The following TRAPPC9 variants were observed in gnomAD, a reference collection of about 807,000 sequenced individuals.
TRAPPC9 encodes IKK2 binding protein.
Under a neutral mutation model 124.0 loss-of-function variants are expected in TRAPPC9, and 83 were observed. The observed-to-expected ratio is 0.67, with a 90% CI of 0.56 to 0.80. The LOEUF (loss-of-function observed/expected upper bound fraction) is 0.80, where lower values mean the gene tolerates loss of function less well. Ranked by LOEUF, TRAPPC9 falls within the 30% of genes least tolerant of loss-of-function variation. The pLI is 0.00. For missense variants in TRAPPC9, 1,302 were observed against 1,508.3 expected, an observed-to-expected ratio of 0.86 and a Z score of 2.27; for synonymous variants, 638 against 617.5, an observed-to-expected ratio of 1.03 and a Z score of -0.49.
At chr8:140,133,704 A>C (rs1052659879) in intron 17 of TRAPPC9, among the ~76,000 whole-genome samples, 1 of 152,382 alleles carries the variant, frequency 6.6e-6, no homozygotes. Context: ...AAATTCAGGT[A>C]AGTTGCAAGA....
At chr8:140,085,016 T>A (rs1844092758) in intron 17 of TRAPPC9, among the ~76,000 whole-genome samples, 1 of 152,184 alleles carries the variant, frequency 6.6e-6, no homozygotes, top group African/African-American at 2.4e-5. Context: ...CTCTGAAAGC[T>A]TTACATCTGT....
chr8:140,423,464 C>A (rs10783165), intron 5 of TRAPPC9, among the ~76,000 whole-genome samples: 39,420 of 151,562 alleles, frequency 0.26, 5,960 homozygotes, highest in East Asian at 0.42. Context: ...ATAAATAAAT[C>A]AAACAAACAC....
intron 21 of TRAPPC9, among the ~76,000 whole-genome samples, chr8:139,871,472 G>A (rs115024428): frequency 0.016 from 2,379 of 152,210 alleles, 46 homozygotes; most frequent in African/African-American, 0.048. Context: ...CCCCAGCCCC[G>A]CGAGCCAGAA....
intron 18 of TRAPPC9, among the ~76,000 whole-genome samples, chr8:139,994,959 G>A (rs1433878104): frequency 7.1e-6 from 1 of 141,240 alleles, no homozygotes; most frequent in Admixed American, 7.4e-5. Context: ...TTAAGCAGAT[G>A]AGTGACATGA....
chr8:140,048,666 C>T, intron 17 of TRAPPC9, among the ~76,000 whole-genome samples: 1 of 152,168 alleles, frequency 6.6e-6, no homozygotes, highest in East Asian at 1.9e-4. Context: ...AGTCTCAATG[C>T]TCTTCCCAGA....
Position 139,790,652 on chromosome 8 carries a change from C to T in TRAPPC9, c.3056-58450G>A, listed in dbSNP as rs538958739. On this transcript the variant is annotated intron_variant, in intron 21 of 22. Transcript: ENST00000438773. Reference sequence around the variant, plus strand: ...TTCAGTGGGTAGAGAGCATGGACGCCGCTGCACGTCTGACAATGCACAGGA... The same window carrying T: ...TTCAGTGGGTAGAGAGCATGGACGCTGCTGCACGTCTGACAATGCACAGGA... 6.6e-5 allele frequency among the ~76,000 whole-genome samples: 10 copies of T among 152,248 alleles called. No homozygotes were observed. The East Asian group carries it at 1.5e-3, about 24-fold the overall frequency.
intron 7 of TRAPPC9, among the ~76,000 whole-genome samples, chr8:140,389,811 T>G (rs2068871055): frequency 6.6e-6 from 1 of 151,302 alleles, no homozygotes; most frequent in African/African-American, 2.4e-5. Flanking sequence ...AAAATCAATT[T>G]TTTAAACACA....
chr8:140,184,458 C>A (rs1036860658), intron 17 of TRAPPC9, among the ~76,000 whole-genome samples: 3 of 151,974 alleles, frequency 2.0e-5, no homozygotes, highest in Non-Finnish European at 2.9e-5. Flanking sequence ...CTTTTTGAGA[C>A]AGAATCTCAC....
Position 139,984,740 on chromosome 8 carries a change from G to A in TRAPPC9, c.2810+3986C>T, listed in dbSNP as rs899212120. On this transcript the variant is annotated intron_variant, in intron 19 of 22. Coordinates refer to ENST00000438773, the MANE Select transcript of TRAPPC9 (RefSeq NM_001160372.4). This position sits in a 1 kb window ranked among gnomAD's most constrained non-coding sequence, Gnocchi z 4.3. ...GGCACTGAGAGAGGTTTGGGAAAGG[G>A]AGGGGAGGGGAATCATGCATTCTAG... 2.0e-5 allele frequency among the ~76,000 whole-genome samples: 3 copies of A among 152,212 alleles called. No individual in the cohort carries two copies. The highest frequency in any genetic ancestry group is 2.9e-5 in the Non-Finnish European group (2 of 68,042).
chr8:140,357,556 T>C (rs2067790079), intron 9 of TRAPPC9, among the ~76,000 whole-genome samples: 1 of 150,988 alleles, frequency 6.6e-6, no homozygotes, highest in African/African-American at 2.4e-5. Flanking sequence ...CCTCTTTAGA[T>C]TTGCTGGATC....
chr8:140,396,356 T>A (rs374271460), intron 7 of TRAPPC9, among the ~76,000 whole-genome samples: 12 of 152,058 alleles, frequency 7.9e-5, no homozygotes, highest in East Asian at 7.7e-4. Context: ...TTATCCAGGA[T>A]GGTCTCGATC....
intron 21 of TRAPPC9, among the ~76,000 whole-genome samples, chr8:139,863,550 C>A (rs969965529): frequency 6.6e-6 from 1 of 152,224 alleles, no homozygotes; most frequent in African/African-American, 2.4e-5. Context: ...CCGGGACTTG[C>A]GGGGTGAGGC....
intron 17 of TRAPPC9, among the ~76,000 whole-genome samples, chr8:140,038,712 G>A (rs1271240961): frequency 2.0e-5 from 3 of 152,226 alleles, no homozygotes; most frequent in Non-Finnish European, 4.4e-5. Flanking sequence ...AAAACCCCAC[G>A]AAGGGAGAGA....
At chr8:139,780,635 A>C (rs2130521428) in intron 21 of TRAPPC9, among the ~76,000 whole-genome samples, 1 of 152,332 alleles carries the variant, frequency 6.6e-6, no homozygotes, top group Middle Eastern at 3.4e-3. Context: ...CATTTTACAT[A>C]CAACACCAAA....
chr8:139,878,734 G>T (rs930579714), intron 21 of TRAPPC9, among the ~76,000 whole-genome samples: 1 of 152,254 alleles, frequency 6.6e-6, no homozygotes, highest in African/African-American at 2.4e-5. Context: ...GGAGGCCAAA[G>T]CAGAAGGAAC....
chr8:139,974,016 C>T lies in TRAPPC9; in HGVS notation c.2810+14710G>A, dbSNP rs934406294. On this transcript the variant is annotated intron_variant, in intron 19 of 22. Transcript: ENST00000438773. ...AGCAGGAGCTTCGAGAGCGGCCTGACGGCTCCATGGTCCCCCCATCCCTGC... is the reference window on the plus strand; with the variant it reads ...AGCAGGAGCTTCGAGAGCGGCCTGATGGCTCCATGGTCCCCCCATCCCTGC... Among the ~76,000 whole-genome samples, 6 of 152,168 alleles carry T rather than the reference C, an allele frequency of 3.9e-5. 1 individual carries two copies. In the East Asian group the frequency reaches 9.6e-4, roughly 24 times the overall value.
At chr8:140,258,920 C>A (rs933480479) in intron 15 of TRAPPC9, among the ~76,000 whole-genome samples, 1 of 152,226 alleles carries the variant, frequency 6.6e-6, no homozygotes, top group Admixed American at 6.5e-5. Flanking sequence ...GATACTGAGG[C>A]CCTGTAAGAG....
chr8:139,909,579 G>C (rs1036913401), intron 20 of TRAPPC9, among the ~76,000 whole-genome samples: 15 of 152,244 alleles, frequency 9.9e-5, no homozygotes, highest in African/African-American at 3.6e-4. Flanking sequence ...ACAAATGAGG[G>C]AACCTGGGCT....
At chr8:140,128,462 G>C (rs547087308) in intron 17 of TRAPPC9, among the ~76,000 whole-genome samples, 1 of 152,232 alleles carries the variant, frequency 6.6e-6, no homozygotes, top group Non-Finnish European at 1.5e-5. Flanking sequence ...AGGTTAATGA[G>C]CGGCTAAAGG....
Sources: allele counts gnomAD v4.1 joint callset (sites outside exome capture counted in the v4.1 genomes callset), GRCh38; gene constraint gnomAD v4.1.1; non-coding constraint Gnocchi (gnomAD v3.1); transcripts MANE v1.5; gene names NCBI Gene and HGNC (gene_info 2026-07-23, HGNC 2026-07-21).